Variants in DST observed in about 807,000 individuals in gnomAD.
DST encodes the protein dystonin, also known as bullous pemphigoid antigen.
DST carries 253 observed loss-of-function variants against 875.2 expected under a neutral mutation model. The ratio of observed to expected loss-of-function variants is 0.29; its 90% CI spans 0.26 to 0.32. The LOEUF is 0.32. Among genes scored for constraint, DST ranks in the 10% least tolerant of loss-of-function variants. The probability of loss-of-function intolerance (pLI) is 1.00; values close to 1 mark genes in which losing one functional copy is unlikely to be tolerated. For missense variants in DST, 8,287 were observed against 9,111.6 expected, an observed-to-expected ratio of 0.91 and a Z score of 3.68; for synonymous variants, 3,124 against 3,197.1, an observed-to-expected ratio of 0.98 and a Z score of 0.77.
intron 4 of DST, among the ~76,000 whole-genome samples, chr6:56,835,773 G>A (rs1404064578): frequency 1.3e-5 from 2 of 152,146 alleles, no homozygotes; most frequent in African/African-American, 4.8e-5. Flanking sequence ...ACTGAATACA[G>A]GGGCACTAGA....
chr6:56,603,658 A>C lies in DST; in HGVS notation c.10847T>G (p.Leu3616Trp), dbSNP rs758692188. The C allele has an allele frequency of 6.2e-7, 1 of 1,610,744 alleles. No homozygotes were observed. The highest frequency in any genetic ancestry group is 8.5e-7 in the Non-Finnish European group (1 of 1,178,670). ...GGGTTTCATATCTTGAAGCAATGTCAAATACTCATGCATTTTTTCAGTGTG... is the reference window on the plus strand; with the variant it reads ...GGGTTTCATATCTTGAAGCAATGTCCAATACTCATGCATTTTTTCAGTGTG... ...LQHTEKMHEY[L>W]TLLQDMKPPL... The change falls in exon 41 of 104, where the codon TTG becomes TGG. Residue 3616 changes from leucine (L) to tryptophan (W), a missense_variant. Coordinates refer to ENST00000680361, the MANE Select transcript of DST (RefSeq NM_001374736.1).
chr6:56,517,649 C>T, intron 69 of DST, 29 bp from the exon 70 acceptor site: 2 of 1,596,548 alleles, frequency 1.3e-6, no homozygotes, highest in Non-Finnish European at 1.7e-6. Context: ...ATTAGGTCAG[C>T]ACGTTCCCGT....
chr6:56,487,430 C>T (rs1462467804), intron 86 of DST, among the ~76,000 whole-genome samples, 157 bp from the exon 87 acceptor site: 4 of 152,054 alleles, frequency 2.6e-5, no homozygotes, highest in Non-Finnish European at 5.9e-5. Flanking sequence ...TACCATGGTA[C>T]GAAAGCCATA....
intron 5 of DST, among the ~76,000 whole-genome samples, chr6:56,722,420 T>C (rs183019943): frequency 4.0e-5 from 6 of 151,488 alleles, no homozygotes; most frequent in Admixed American, 3.3e-4. Context: ...GTCTCACTCT[T>C]TCACCCAGGC....
chr6:56,915,194 C>G (rs1800360168), intron 2 of DST, among the ~76,000 whole-genome samples: 1 of 152,222 alleles, frequency 6.6e-6, no homozygotes, highest in Non-Finnish European at 1.5e-5. Flanking sequence ...GACATTATCA[C>G]TAGTGACCAT....
rs1030102674 is a variant in DST, at chr6:56,591,965, G to A, written c.12903+217C>T. ...CTACTGCACTCCAGCCTACACGATGGAGTGAGACTCCATCTCAAAAAAAAA... is the reference window on the plus strand; with the variant it reads ...CTACTGCACTCCAGCCTACACGATGAAGTGAGACTCCATCTCAAAAAAAAA... On this transcript the variant is annotated intron_variant, in intron 49 of 103. Transcript: ENST00000680361. Among the ~76,000 whole-genome samples the A allele has an allele frequency of 2.2e-5, 3 of 136,536 alleles. No homozygotes were observed. In the South Asian group the frequency reaches 7.3e-4, roughly 33 times the overall value. The allele number at this position is 136,536 out of a possible 152,430, so 89.6% of individuals were successfully genotyped here. A position where few individuals can be genotyped will look rare whatever the true frequency, so the allele number is the denominator to read the frequency against.
At chr6:56,527,386 T>G in intron 68 of DST, 107 bp downstream of exon 68, 1 of 1,384,504 alleles carries the variant, frequency 7.2e-7, no homozygotes. Context: ...CACCAAGGCA[T>G]CCTTCAGCAT....
chr6:56,844,992 A>C (rs1162042510), intron 4 of DST, among the ~76,000 whole-genome samples: 1 of 152,208 alleles, frequency 6.6e-6, no homozygotes, highest in Non-Finnish European at 1.5e-5. Context: ...CAGCGATAGT[A>C]GTGCCTAACT....
At chr6:56,939,516 GATAA>G (rs1024148273) in intron 2 of DST, among the ~76,000 whole-genome samples, 11 of 152,126 alleles carry the variant, frequency 7.2e-5, no homozygotes, top group Admixed American at 3.3e-4. Context: ...TGGGGGGATA[GATAA>G]ATAAAGAGCT....
Position 56,517,509 on chromosome 6 carries a change from C to G in DST, c.18241G>C (p.Val6081Leu). ...EQDQTSAQLQVQKTFTMEILR... is the reference protein window; with the variant it reads ...EQDQTSAQLQLQKTFTMEILR... ...GAAATGTATTTCTTCACCTTTTGAA[C>G]TTGAAGCTGAGCAGAAGTCTGGTCT... is the stretch of plus-strand genomic sequence containing the variant. Residue 6081 changes from valine (V) to leucine (L), a missense_variant, in exon 70 of 104, where the codon GTT (valine) becomes CTT (leucine). Val to Leu is a conservative substitution (Grantham distance 32, BLOSUM62 1). This residue lies in a region of DST where 777 missense variants were observed against 764.8 expected (regional missense o/e 1.02). Transcript: ENST00000680361. 1 of 1,612,572 alleles carries G rather than the reference C, an allele frequency of 6.2e-7. No homozygotes were observed. The highest frequency in any genetic ancestry group is 1.1e-5 in the South Asian group (1 of 90,762).
chr6:56,527,620 G>A lies in DST; in HGVS notation c.17795C>T (p.Ala5932Val). 1 of 1,613,828 alleles carries A rather than the reference G, an allele frequency of 6.2e-7. No individual in the cohort carries two copies. The highest frequency in any genetic ancestry group is 1.3e-5 in the African/African-American group (1 of 75,056). ...AKTLEQALQL[A>V]RRLHSTHEEL... ...TTCGTGTGTGGAGTGCAGCCGCCTT[G>A]CAAGCTGCAGCGCCTGTTCCAGAGT... Residue 5932 changes from alanine to valine, a missense_variant, in exon 68 of 104, where the codon GCA becomes GTA. Coordinates refer to ENST00000680361, the MANE Select transcript of DST (RefSeq NM_001374736.1).
intron 3 of DST, among the ~76,000 whole-genome samples, chr6:56,897,272 T>C (rs543410941): frequency 6.8e-6 from 1 of 147,096 alleles, no homozygotes; most frequent in East Asian, 2.2e-4. Context: ...AGAATTGAAA[T>C]ATCTTGGCAA....
At chr6:56,821,786 C>A (rs1030639831) in intron 4 of DST, among the ~76,000 whole-genome samples, 11 of 152,132 alleles carry the variant, frequency 7.2e-5, no homozygotes, top group Non-Finnish European at 5.9e-5. Flanking sequence ...GAAATCTGAC[C>A]TATCATGTCT....
chr6:56,760,845 G>A (rs2099615449), intron 4 of DST, among the ~76,000 whole-genome samples: 1 of 152,078 alleles, frequency 6.6e-6, no homozygotes, highest in South Asian at 2.1e-4. Flanking sequence ...TCCCTTTTAT[G>A]GATGAGACTG....
intron 36 of DST, chr6:56,615,659 A>T (rs1387682793): frequency 1.9e-6 from 3 of 1,613,952 alleles, no homozygotes; most frequent in African/African-American, 1.3e-5. Flanking sequence ...AGGGCATATT[A>T]TATTTCTGAC....
chr6:56,469,154 C>G (rs2094747038), intron 97 of DST, among the ~76,000 whole-genome samples, 155 bp from the exon 98 acceptor site: 2 of 152,034 alleles, frequency 1.3e-5, no homozygotes, highest in African/African-American at 4.8e-5. Context: ...AATTTCAAAC[C>G]AAATAATCAG....
Position 56,635,719 on chromosome 6 carries a change from G to A in DST, c.3061-5C>T. On this transcript the variant is annotated splice_region_variant and splice_polypyrimidine_tract_variant and intron_variant, in intron 23 of 103. Coordinates refer to ENST00000680361, the MANE Select transcript of DST (RefSeq NM_001374736.1). Reference sequence around the variant, plus strand: ...TTCTTTGGCATCATTGAAAAACTAAGGAAAGATGAAACCTGGAAGTTAAAG... The same window carrying A: ...TTCTTTGGCATCATTGAAAAACTAAAGAAAGATGAAACCTGGAAGTTAAAG... The A allele has an allele frequency of 1.2e-6, 2 of 1,613,322 alleles. No individual in the cohort carries two copies. Among genetic ancestry groups the A allele is most frequent in the East Asian group, 4.5e-5 (2 of 44,834 alleles).
intron 4 of DST, among the ~76,000 whole-genome samples, chr6:56,760,620 T>C (rs1174448015): frequency 6.6e-6 from 1 of 152,238 alleles, no homozygotes; most frequent in Admixed American, 6.5e-5. Flanking sequence ...CCCCAGCTCT[T>C]GCCCATAAGG....
chr6:56,797,124 C>G (rs372872842), intron 4 of DST, among the ~76,000 whole-genome samples: 6 of 152,230 alleles, frequency 3.9e-5, no homozygotes, highest in African/African-American at 1.4e-4. Context: ...TTTTCATTAT[C>G]ATTATATCTG....
Sources: gnomAD v4.1 joint callset for allele counts (sites outside exome capture counted in the v4.1 genomes callset) on GRCh38, gnomAD v4.1.1 for gene constraint, gnomAD v4.1.1 regional missense constraint, MANE v1.5 for transcripts, NCBI Gene and HGNC (gene_info 2026-07-23, HGNC 2026-07-21) for gene names.